The following RAB2A variants were observed in gnomAD, a reference collection of about 807,000 sequenced individuals.
RAB2A encodes RAB2A, member RAS oncogene family, also known as ras-related protein Rab-2A.
Under a neutral mutation model 32.5 loss-of-function variants are expected in RAB2A, and 7 were observed. The ratio of observed to expected loss-of-function variants is 0.22; its 90% CI spans 0.12 to 0.40. RAB2A has a LOEUF of 0.40. Ranked by LOEUF, RAB2A falls within the 10% of genes least tolerant of loss-of-function variation. The probability of loss-of-function intolerance (pLI) is 1.00; values close to 1 mark genes in which losing one functional copy is unlikely to be tolerated. For synonymous variants in RAB2A, 79 were observed against 85.2 expected (o/e 0.93, Z 0.40); for missense variants, 108 against 260.7 (o/e 0.41, Z 4.03).
At chr8:60,553,785 A>T (rs1807893911) in intron 1 of RAB2A, among the ~76,000 whole-genome samples, 1 of 152,160 alleles carries the variant, frequency 6.6e-6, no homozygotes. Flanking sequence ...GCTGAAATTG[A>T]TTCATTCATT....
rs568387804 is a variant in RAB2A at position 60,567,575 on chromosome 8, A to G, written c.119-4471A>G. On this transcript the variant is annotated intron_variant, in intron 2 of 7. Transcript: ENST00000262646. ...ATTTGAAAATAGTTTTATTCAATAC[A>G]TGGGCTAATTTGGAGATAATTTATG... is the stretch of plus-strand genomic sequence containing the variant. Among the ~76,000 whole-genome samples, 5 of 152,164 alleles carry G rather than the reference A, an allele frequency of 3.3e-5. No individual in the cohort carries two copies. The South Asian group carries it at 1.0e-3, about 32-fold the overall frequency.
chr8:60,537,953 C>T (rs1287428969), intron 1 of RAB2A, among the ~76,000 whole-genome samples: 4 of 152,174 alleles, frequency 2.6e-5, no homozygotes, highest in Non-Finnish European at 2.9e-5. Context: ...GCTGGGATTA[C>T]AAGCATGAGC....
chr8:60,539,033 A>G (rs562807339), intron 1 of RAB2A, among the ~76,000 whole-genome samples: 1 of 152,282 alleles, frequency 6.6e-6, no homozygotes, highest in Non-Finnish European at 1.5e-5. Context: ...AGAAATTGAT[A>G]GTTTTTTTTT....
intron 1 of RAB2A, among the ~76,000 whole-genome samples, chr8:60,557,457 A>C (rs1006576511): frequency 6.6e-6 from 1 of 152,184 alleles, no homozygotes; most frequent in African/African-American, 2.4e-5. Context: ...CGGAGTTTGC[A>C]GTGAGCTGAG....
intron 6 of RAB2A, among the ~76,000 whole-genome samples, chr8:60,608,608 T>TA (rs1298800118): frequency 1.4e-5 from 2 of 142,004 alleles, no homozygotes; most frequent in African/African-American, 5.2e-5. Flanking sequence ...CCTCTTCCTT[T>TA]ACCCCCACCC....
intron 1 of RAB2A, among the ~76,000 whole-genome samples, chr8:60,536,038 T>C (rs757549390): frequency 6.6e-6 from 1 of 152,234 alleles, no homozygotes; most frequent in African/African-American, 2.4e-5. Context: ...GCTGTTAGCC[T>C]TCTTGTGCGT....
In RAB2A at chr8:60,589,246, A is replaced by G. The variant is rs532856057; in HGVS notation, c.363-2612A>G. ...TGGTCACCGACCACTAGGAGCTGATAGTTCAAATGTGAGAAGAAATAAACA... is the reference window on the plus strand; with the variant it reads ...TGGTCACCGACCACTAGGAGCTGATGGTTCAAATGTGAGAAGAAATAAACA... On this transcript the variant is annotated intron_variant, in intron 5 of 7. Transcript: ENST00000262646. Among the ~76,000 whole-genome samples, 5 of 152,356 alleles carry G rather than the reference A, an allele frequency of 3.3e-5. No homozygotes were observed. The East Asian group carries it at 7.7e-4, about 23-fold the overall frequency.
intron 6 of RAB2A, among the ~76,000 whole-genome samples, chr8:60,605,470 C>G (rs562018108): frequency 1.3e-5 from 2 of 152,296 alleles, no homozygotes; most frequent in South Asian, 4.1e-4. Context: ...ATGGTAGATA[C>G]ACCAACAGTT....
intron 1 of RAB2A, chr8:60,552,652 G>T: frequency 6.6e-6 from 1 of 152,300 alleles, no homozygotes; most frequent in South Asian, 2.1e-4. Flanking sequence ...CTTGATGATT[G>T]TCTGGCTCAA....
At chr8:60,571,390 C>G (rs1189549994) in intron 2 of RAB2A, among the ~76,000 whole-genome samples, 1 of 152,024 alleles carries the variant, frequency 6.6e-6, no homozygotes, top group South Asian at 2.1e-4. Flanking sequence ...AAAATAATGC[C>G]ATAGTTTTAT....
intron 2 of RAB2A, among the ~76,000 whole-genome samples, chr8:60,570,246 T>C (rs1292456749): frequency 6.6e-6 from 1 of 152,160 alleles, no homozygotes; most frequent in African/African-American, 2.4e-5. Flanking sequence ...TAGTTTTGGA[T>C]TGTGCTTAAA....
At chr8:60,528,362 C>T (rs771365728) in intron 1 of RAB2A, among the ~76,000 whole-genome samples, 7 of 152,080 alleles carry the variant, frequency 4.6e-5, no homozygotes, top group Non-Finnish European at 8.8e-5. Flanking sequence ...CTTTTTTATC[C>T]TGCTTCTTTG....
chr8:60,592,832 T>C (rs1242058974), intron 6 of RAB2A, among the ~76,000 whole-genome samples: 1 of 152,204 alleles, frequency 6.6e-6, no homozygotes, highest in Non-Finnish European at 1.5e-5. Flanking sequence ...AAAGAGGTAA[T>C]GAAGCTAAGA....
chr8:60,524,369 GCTTA>G (rs763437302), intron 1 of RAB2A, among the ~76,000 whole-genome samples: 12 of 143,942 alleles, frequency 8.3e-5, no homozygotes, highest in Non-Finnish European at 1.6e-4. Flanking sequence ...GCCCAGCTGT[GCTTA>G]CTTCATTTGT....
intron 3 of RAB2A, among the ~76,000 whole-genome samples, chr8:60,581,980 C>G (rs1306692719): frequency 7.1e-6 from 1 of 141,192 alleles, no homozygotes; most frequent in East Asian, 2.1e-4. Context: ...AGGGCCTCAT[C>G]TGTTGCCCAG....
chr8:60,567,228 G>A (rs1344926032), intron 2 of RAB2A, among the ~76,000 whole-genome samples: 9 of 150,274 alleles, frequency 6.0e-5, no homozygotes, highest in East Asian at 2.0e-4. Context: ...TAATTCTTGC[G>A]CCTCAGCCTC....
At chr8:60,567,635 A>G (rs11996337) in intron 2 of RAB2A, among the ~76,000 whole-genome samples, 12,382 of 151,718 alleles carry the variant, frequency 0.082, 1,565 homozygotes, top group African/African-American at 0.27. Context: ...TATACACATA[A>G]TATATGTTTT....
Position 60,620,902 on chromosome 8 carries a change from C to G in RAB2A, c.*133C>G. 1 of 657,900 alleles carries G rather than the reference C, an allele frequency of 1.5e-6. No homozygotes were observed. The highest frequency in any genetic ancestry group is 2.4e-6 in the Non-Finnish European group (1 of 408,638). The allele number at this position is 657,900 out of a possible 1,614,324, so 40.8% of individuals were successfully genotyped here. A position where few individuals can be genotyped will look rare whatever the true frequency, so the allele number is the denominator to read the frequency against. On this transcript the variant is annotated 3_prime_UTR_variant, in exon 8 of 8. Transcript: ENST00000262646. Reference sequence around the variant, plus strand: ...ACAGAAGACTTTAATCCGTCAAATTCTTGTATAACTTTGAATAAATGGTTA... The same window carrying G: ...ACAGAAGACTTTAATCCGTCAAATTGTTGTATAACTTTGAATAAATGGTTA...
chr8:60,572,003 A>T (rs1196075774), intron 2 of RAB2A, 43 bp from the exon 3 acceptor site: 1 of 1,387,024 alleles, frequency 7.2e-7, no homozygotes, highest in South Asian at 1.2e-5. Flanking sequence ...AGTGAGATAT[A>T]TTCCCACTAA....
Sources: gnomAD v4.1 joint callset for allele counts (sites outside exome capture counted in the v4.1 genomes callset) on GRCh38, gnomAD v4.1.1 for gene constraint, MANE v1.5 for transcripts, NCBI Gene and HGNC (gene_info 2026-07-23, HGNC 2026-07-21) for gene names.